KCNIP4: variants seen among roughly 807,000 people sequenced by gnomAD.
KCNIP4 encodes the protein Kv channel-interacting protein 4.
A neutral mutation model predicts 34.0 loss-of-function variants in KCNIP4; 12 were observed. The observed-to-expected ratio is 0.35, with a 90% CI of 0.23 to 0.57. The LOEUF is 0.57. Among genes scored for constraint, KCNIP4 ranks in the 20% least tolerant of loss-of-function variants. The pLI is 0.83. For missense variants in KCNIP4, 238 were observed against 311.7 expected (o/e 0.76, Z 1.78); for synonymous variants, 124 against 102.2 (o/e 1.21, Z -1.29).
At chr4:21,206,836 G>A (rs1176406682) in intron 1 of KCNIP4, among the ~76,000 whole-genome samples, 1 of 152,220 alleles carries the variant, frequency 6.6e-6, no homozygotes, top group East Asian at 1.9e-4. Flanking sequence ...AGCTAGTAAA[G>A]GAGGTGGAGC....
intron 1 of KCNIP4, among the ~76,000 whole-genome samples, chr4:21,345,439 G>C (rs985874944): frequency 1.3e-5 from 2 of 152,134 alleles, no homozygotes; most frequent in Non-Finnish European, 2.9e-5. Context: ...CACTAAGTTT[G>C]AGGTGATTTG....
At chr4:21,670,574 A>C (rs1365115436) in intron 1 of KCNIP4, among the ~76,000 whole-genome samples, 1 of 152,176 alleles carries the variant, frequency 6.6e-6, no homozygotes, top group Non-Finnish European at 1.5e-5. Flanking sequence ...AGTATAATAA[A>C]AAAAAAATCG....
intron 1 of KCNIP4, among the ~76,000 whole-genome samples, chr4:21,158,997 T>C (rs1033154006): frequency 6.6e-6 from 1 of 152,172 alleles, no homozygotes; most frequent in Non-Finnish European, 1.5e-5. Flanking sequence ...GCTTCATAAA[T>C]TGATAACTTA....
chr4:20,956,361 C>T (rs145464643), intron 1 of KCNIP4, among the ~76,000 whole-genome samples: 1,781 of 152,066 alleles, frequency 0.012, 35 homozygotes, highest in African/African-American at 0.041. Context: ...AAAAATTAGC[C>T]GGGCGTGGTG....
intron 1 of KCNIP4, among the ~76,000 whole-genome samples, chr4:21,509,339 G>T (rs13131360): frequency 0.22 from 32,938 of 152,010 alleles, 3,699 homozygotes; most frequent in Non-Finnish European, 0.25. Flanking sequence ...ACCTTAGAAA[G>T]ATTAAGTTAC....
intron 1 of KCNIP4, among the ~76,000 whole-genome samples, chr4:21,541,793 C>T (rs1182150755): frequency 2.0e-5 from 3 of 151,910 alleles, no homozygotes; most frequent in Admixed American, 6.6e-5. Flanking sequence ...AGGCACCTGC[C>T]ACCAGGCTCA....
intron 1 of KCNIP4, among the ~76,000 whole-genome samples, chr4:20,912,447 G>C: frequency 6.6e-6 from 1 of 152,162 alleles, no homozygotes; most frequent in Non-Finnish European, 1.5e-5. Context: ...TGGGTGCAGT[G>C]GCTCACACCT....
chr4:21,362,667 T>C (rs1461097220), intron 1 of KCNIP4, among the ~76,000 whole-genome samples: 1 of 152,124 alleles, frequency 6.6e-6, no homozygotes, highest in Non-Finnish European at 1.5e-5. Flanking sequence ...CCTGCACAAA[T>C]GAACTCATTG....
At chr4:20,842,110 A>T (rs889539521) in intron 3 of KCNIP4, among the ~76,000 whole-genome samples, 2 of 152,100 alleles carry the variant, frequency 1.3e-5, no homozygotes, top group Admixed American at 1.3e-4. Context: ...ATCTTCCCCC[A>T]ATGGAATACA....
chr4:21,664,276 C>T (rs556701244), intron 1 of KCNIP4, among the ~76,000 whole-genome samples: 2 of 152,208 alleles, frequency 1.3e-5, no homozygotes, highest in South Asian at 2.1e-4. Flanking sequence ...ATTGCTAATG[C>T]TCCTAAACTG....
intron 1 of KCNIP4, among the ~76,000 whole-genome samples, chr4:21,812,806 T>C (rs1258470372): frequency 6.6e-6 from 1 of 152,184 alleles, no homozygotes; most frequent in African/African-American, 2.4e-5. Flanking sequence ...AGTAAGGCTA[T>C]TGGTCAAAAT....
intron 1 of KCNIP4, among the ~76,000 whole-genome samples, chr4:21,374,400 A>C (rs551463690): frequency 7.5e-5 from 11 of 147,110 alleles, no homozygotes; most frequent in South Asian, 2.1e-4. Context: ...AAACCATCAG[A>C]TCTAGTGAGA....
intron 1 of KCNIP4, among the ~76,000 whole-genome samples, chr4:21,460,960 C>T (rs939528064): frequency 3.9e-5 from 6 of 152,048 alleles, no homozygotes; most frequent in African/African-American, 1.4e-4. Context: ...AAGAGAAATA[C>T]AGAAACGGAG....
intron 1 of KCNIP4, among the ~76,000 whole-genome samples, chr4:20,982,574 T>C (rs1349071839): frequency 4.6e-5 from 7 of 152,226 alleles, no homozygotes; most frequent in African/African-American, 7.2e-5. Flanking sequence ...GCAGAACTTA[T>C]TGAGAATAAA....
chr4:21,046,417 G>A (rs2149785928), intron 1 of KCNIP4, among the ~76,000 whole-genome samples: 1 of 152,220 alleles, frequency 6.6e-6, no homozygotes, highest in African/African-American at 2.4e-5. Flanking sequence ...TCCTGGCTGT[G>A]AAGATAGCAG....
At chr4:21,504,120 C>G (rs1733591377) in intron 1 of KCNIP4, among the ~76,000 whole-genome samples, 1 of 152,042 alleles carries the variant, frequency 6.6e-6, no homozygotes, top group Non-Finnish European at 1.5e-5. Context: ...ATCCACCCAT[C>G]ATCATATATT....
At chr4:21,245,977 C>A (rs73802519) in intron 1 of KCNIP4, among the ~76,000 whole-genome samples, 1 of 152,056 alleles carries the variant, frequency 6.6e-6, no homozygotes, top group East Asian at 1.9e-4. Context: ...GGAAATATTC[C>A]GACATATGAC....
intron 3 of KCNIP4, among the ~76,000 whole-genome samples, chr4:20,832,938 T>G (rs1033051876): frequency 6.6e-6 from 1 of 152,170 alleles, no homozygotes; most frequent in African/African-American, 2.4e-5. Context: ...CTTTTATTAT[T>G]TGGAGATTAT....
At chr4:21,053,964 CTAATCA>C (rs1473497825) in intron 1 of KCNIP4, among the ~76,000 whole-genome samples, 1 of 149,948 alleles carries the variant, frequency 6.7e-6, no homozygotes, top group Non-Finnish European at 1.5e-5. Context: ...TAATACAATC[CTAATCA>C]TAATTCCATC....
Sources: allele counts gnomAD v4.1 joint callset (sites outside exome capture counted in the v4.1 genomes callset), GRCh38; gene constraint gnomAD v4.1.1; transcripts MANE v1.5; gene names NCBI Gene and HGNC (gene_info 2026-07-23, HGNC 2026-07-21).